The following NDP variants were observed in gnomAD, a reference collection of about 807,000 sequenced individuals.
NDP encodes norrin cystine knot growth factor NDP.
In NDP, 2 loss-of-function variants were observed where a neutral mutation model predicts 8.4. That is an observed-to-expected ratio of 0.24 (90% confidence interval 0.10 to 0.75). The LOEUF is 0.75. NDP is among the 30% of genes least tolerant of loss of function. The pLI, the probability that NDP is intolerant of heterozygous loss-of-function variation, is 0.73. For synonymous variants in NDP, 55 were observed against 45.6 expected (o/e 1.21, Z -0.83); for missense variants, 81 against 110.1 (o/e 0.74, Z 1.18).
At position 43,950,177 on chromosome X, in the gene NDP, C is replaced by T. The variant is rs1178460614; in HGVS notation, c.175-151G>A. 13 of 500,271 alleles carry T rather than the reference C, an allele frequency of 2.6e-5. No homozygotes were observed. The East Asian group carries it at 4.8e-4, about 18-fold the overall frequency. The allele number at this position is 500,271 out of a possible 1,213,427, so 41.2% of individuals were successfully genotyped here. The stretch of plus-strand genomic sequence containing the variant: ...GCATGTTGCATTTTTTTTAAGTCAA[C>T]ACCCAGGCCTCATTCAGATCGATTG... On this transcript the variant is annotated intron_variant, in intron 2 of 2. Coordinates refer to ENST00000642620, the MANE Select transcript of NDP (RefSeq NM_000266.4).
At chrX:43,958,101 T>A (rs1387277264) in intron 2 of NDP, among the ~76,000 whole-genome samples, 1 of 111,316 alleles carries the variant, frequency 9.0e-6, no homozygotes, top group African/African-American at 3.3e-5. Context: ...AGAAGTATGT[T>A]CCACTGCTCA....
At chrX:43,957,562 A>G (rs1218260088) in intron 2 of NDP, among the ~76,000 whole-genome samples, 1 of 110,693 alleles carries the variant, frequency 9.0e-6, no homozygotes, top group East Asian at 2.8e-4. Context: ...TTTTGAATGG[A>G]GAGTGGAGGG....
chrX:43,964,902 A>G (rs1389874130), intron 1 of NDP, among the ~76,000 whole-genome samples: 1 of 111,893 alleles, frequency 8.9e-6, no homozygotes, highest in Non-Finnish European at 1.9e-5. Context: ...ATATTCCCCA[A>G]AGCAATCCTA....
intron 2 of NDP, among the ~76,000 whole-genome samples, chrX:43,951,559 A>G (rs955568005): frequency 9.8e-5 from 11 of 112,529 alleles, no homozygotes; most frequent in Non-Finnish European, 1.9e-4. Flanking sequence ...ACAATATTGT[A>G]GGAATTCGCA....
chrX:43,958,951 AGAG>A (rs1303389116), intron 1 of NDP, 99 bp from the exon 2 acceptor site: 9 of 298,063 alleles, frequency 3.0e-5, no homozygotes, highest in Admixed American at 4.9e-5. Flanking sequence ...TGTTATTTTG[AGAG>A]GAGAATATTG....
At position 43,959,874 on chromosome X, in the gene NDP, G is replaced by T. The variant is rs150042695; in HGVS notation, c.-207-1022C>A. On this transcript the variant is annotated intron_variant, in intron 1 of 2. Coordinates refer to ENST00000642620, the MANE Select transcript of NDP (RefSeq NM_000266.4). Reference sequence around the variant, plus strand: ...CGGGAAAACTTTCAAAGGTATTTCAGATAAAAGTTTGATCATTTTGTTCAT... The same window carrying T: ...CGGGAAAACTTTCAAAGGTATTTCATATAAAAGTTTGATCATTTTGTTCAT... Among the ~76,000 whole-genome samples, 1,092 of 112,541 alleles carry T rather than the reference G, an allele frequency of 9.7e-3. 20 individuals are homozygous for T. The highest frequency in any genetic ancestry group is 0.034 in the African/African-American group (1,042 of 30,979).
chrX:43,955,242 C>A (rs986671652), intron 2 of NDP, among the ~76,000 whole-genome samples: 2 of 112,203 alleles, frequency 1.8e-5, no homozygotes, highest in African/African-American at 6.5e-5. Context: ...TGAGTCTAAA[C>A]ACCTGCTTAG....
intron 1 of NDP, among the ~76,000 whole-genome samples, chrX:43,967,423 A>G (rs1036770416): frequency 1.1e-5 from 1 of 93,010 alleles, no homozygotes; most frequent in Admixed American, 1.1e-4. Context: ...TACCCACATA[A>G]TTAGGTACAA....
chrX:43,954,985 C>T (rs2035784230), intron 2 of NDP, among the ~76,000 whole-genome samples: 1 of 111,197 alleles, frequency 9.0e-6, no homozygotes, highest in Non-Finnish European at 1.9e-5. Flanking sequence ...AAGTCCAAAA[C>T]TCATCCCCCT....
intron 1 of NDP, among the ~76,000 whole-genome samples, chrX:43,971,302 G>A (rs1255733409): frequency 8.9e-6 from 1 of 112,310 alleles, no homozygotes; most frequent in Non-Finnish European, 1.9e-5. Context: ...TACTTGAATT[G>A]TGAGTTCTTA....
At chrX:43,957,990 C>T (rs2035805178) in intron 2 of NDP, among the ~76,000 whole-genome samples, 1 of 109,851 alleles carries the variant, frequency 9.1e-6, no homozygotes, top group South Asian at 4.0e-4. Context: ...ATATTGCCAT[C>T]TTATCTTTTG....
intron 1 of NDP, among the ~76,000 whole-genome samples, chrX:43,967,308 C>T (rs2035863396): frequency 9.0e-6 from 1 of 111,325 alleles, no homozygotes; most frequent in Admixed American, 9.5e-5. Flanking sequence ...GCAATGAGCC[C>T]TAAAATATCC....
At chrX:43,955,073 TC>T (rs1221980960) in intron 2 of NDP, among the ~76,000 whole-genome samples, 5 of 111,735 alleles carry the variant, frequency 4.5e-5, no homozygotes, top group Non-Finnish European at 9.4e-5. Flanking sequence ...ACTTTTATCC[TC>T]CCTGTTAGCA....
At chrX:43,966,201 G>A (rs1442503373) in intron 1 of NDP, among the ~76,000 whole-genome samples, 1 of 111,779 alleles carries the variant, frequency 8.9e-6, no homozygotes, top group Non-Finnish European at 1.9e-5. Context: ...AGATGGGGAT[G>A]AGCTGTCAGA....
intron 1 of NDP, among the ~76,000 whole-genome samples, chrX:43,969,964 G>A (rs1264191999): frequency 8.9e-6 from 1 of 112,127 alleles, no homozygotes; most frequent in Non-Finnish European, 1.9e-5. Flanking sequence ...GGCACTGCCA[G>A]TCTAGCTGGA....
chrX:43,962,632 C>G (rs1375711744), intron 1 of NDP, among the ~76,000 whole-genome samples: 1 of 111,893 alleles, frequency 8.9e-6, no homozygotes, highest in South Asian at 3.7e-4. Context: ...GACTTAGAAC[C>G]TTGGCCCAGG....
intron 1 of NDP, among the ~76,000 whole-genome samples, chrX:43,964,900 C>T: frequency 8.9e-6 from 1 of 111,975 alleles, no homozygotes; most frequent in South Asian, 3.7e-4. Context: ...ACATATTCCC[C>T]AAAGCAATCC....
chrX:43,966,114 C>CT (rs2035856615), intron 1 of NDP, among the ~76,000 whole-genome samples: 1 of 112,296 alleles, frequency 8.9e-6, no homozygotes, highest in African/African-American at 3.2e-5. Context: ...TCAGGAGGTA[C>CT]TTTTCTGTTG....
intron 1 of NDP, among the ~76,000 whole-genome samples, chrX:43,960,619 CA>C (rs1237511643): frequency 1.8e-5 from 2 of 112,280 alleles, no homozygotes; most frequent in Non-Finnish European, 3.8e-5. Flanking sequence ...GACAACAACT[CA>C]AAGAGCCAGA....
Sources: allele counts gnomAD v4.1 joint callset (sites outside exome capture counted in the v4.1 genomes callset), GRCh38; gene constraint gnomAD v4.1.1; transcripts MANE v1.5; gene names NCBI Gene and HGNC (gene_info 2026-07-23, HGNC 2026-07-21).